The following RAB36 variants were observed in gnomAD, a reference collection of about 807,000 sequenced individuals.
RAB36 encodes ras-related protein Rab-36.
In RAB36, 33 loss-of-function variants were observed where a neutral mutation model predicts 39.3. That is an observed-to-expected ratio of 0.84 (90% CI 0.64 to 1.12). The LOEUF is 1.12. Ranked by LOEUF, RAB36 falls within the 50% of genes most tolerant of loss-of-function variation. The pLI is 0.00. For synonymous variants in RAB36, 133 were observed against 140.2 expected (o/e 0.95, Z 0.36); for missense variants, 308 against 355.3 (o/e 0.87, Z 1.07).
chr22:23,153,178 G>GCTCACAC (rs762660593), intron 5 of RAB36, 44 bp downstream of exon 5: 2 of 1,444,408 alleles, frequency 1.4e-6, no homozygotes, highest in South Asian at 1.1e-5. Flanking sequence ...GCTTCCTACA[G>GCTCACAC]GCACCTGAGA....
upstream of RAB36, chr22:23,145,366 A>G (rs774123828): frequency 9.3e-6 from 15 of 1,605,634 alleles, no homozygotes; most frequent in East Asian, 2.2e-5. Context: ...TCTCGTTGCT[A>G]TGGTGATCGC....
chr22:23,147,498 T>C (rs9612244), intron 2 of RAB36, among the ~76,000 whole-genome samples: 1 of 151,880 alleles, frequency 6.6e-6, no homozygotes, highest in Admixed American at 6.6e-5. Context: ...GCCTGGCTAA[T>C]TTTTAATTTT....
At position 23,164,122 on chromosome 22, in the gene RAB36, G is replaced by A. The variant is rs572924634; in HGVS notation, c.*2558G>A. The A allele has an allele frequency of 6.6e-6, 1 of 152,354 alleles. No homozygotes were observed. Among genetic ancestry groups the A allele is most frequent in the East Asian group, 1.9e-4 (1 of 5,180 alleles). 9.4% of individuals were successfully genotyped at this position (152,354 alleles called of 1,614,324 possible). On this transcript the variant is annotated 3_prime_UTR_variant, in exon 11 of 11. Coordinates refer to ENST00000263116, the MANE Select transcript of RAB36 (RefSeq NM_004914.5). ...GGCAGACAGCATTGGGGTCCATTAG[G>A]AAGACCAGGTTTGCTGGGCATAAGC...
At position 23,159,834 on chromosome 22, in the gene RAB36, T is replaced by G. The variant is rs896066330; in HGVS notation, c.619+581T>G. 3.3e-5 allele frequency among the ~76,000 whole-genome samples: 5 copies of G among 152,226 alleles called. No individual in the cohort carries two copies. The South Asian group carries it at 1.0e-3, about 32-fold the overall frequency. On this transcript the variant is annotated intron_variant, in intron 9 of 10. Coordinates refer to ENST00000263116, the MANE Select transcript of RAB36 (RefSeq NM_004914.5). ...CCACCGGGTCTACCCCTGGCCATAC[T>G]GGGTCCCCAGCCCAAGGCAAGATGC...
chr22:23,146,383 T>G (rs528828023), intron 1 of RAB36, among the ~76,000 whole-genome samples: 14 of 151,164 alleles, frequency 9.3e-5, no homozygotes, highest in South Asian at 4.2e-4. Flanking sequence ...ATTTTTTTGG[T>G]TTTTTTTTGT....
chr22:23,160,982 C>T lies in RAB36; in HGVS notation c.723C>T (p.Gly241=), dbSNP rs2071750052. ...AGAGCAGTGCCCGGCTCCAGGTCGG[C>T]AATGGAGACCTAATCCGTGAGTATA... The part of the protein sequence containing the change: ...ERQSSARLQV[G]NGDLIQMEGS... The change falls in exon 10 of 11, where the codon GGC becomes GGT. Residue 241 remains glycine (G), a synonymous_variant. Coordinates refer to ENST00000263116, the MANE Select transcript of RAB36 (RefSeq NM_004914.5). 1 of 1,611,784 alleles carries T rather than the reference C, an allele frequency of 6.2e-7. No individual in the cohort carries two copies. The highest frequency in any genetic ancestry group is 8.5e-7 in the Non-Finnish European group (1 of 1,178,514).
chr22:23,153,188 A>G lies in RAB36; in HGVS notation c.329+54A>G. Reference sequence around the variant, plus strand: ...GGGCAGCTTCCTACAGGCACCTGAGAAAGGATTTGGGGAGCTCCTTCACTG... The same window carrying G: ...GGGCAGCTTCCTACAGGCACCTGAGGAAGGATTTGGGGAGCTCCTTCACTG... On this transcript the variant is annotated intron_variant, in intron 5 of 10. Transcript: ENST00000263116. The G allele has an allele frequency of 2.9e-6, 4 of 1,369,970 alleles. No homozygotes were observed. In the South Asian group the frequency reaches 3.5e-5, roughly 12 times the overall value. 84.9% of individuals were successfully genotyped at this position (1,369,970 alleles called of 1,614,324 possible).
intron 3 of RAB36, among the ~76,000 whole-genome samples, chr22:23,152,107 A>G (rs2071177670): frequency 6.6e-6 from 1 of 152,204 alleles, no homozygotes; most frequent in Non-Finnish European, 1.5e-5. Flanking sequence ...CCCGGACAGC[A>G]CAGACGTGCC....
intron 2 of RAB36, among the ~76,000 whole-genome samples, chr22:23,149,599 A>C (rs576570050): frequency 1.2e-4 from 19 of 152,296 alleles, no homozygotes; most frequent in African/African-American, 4.6e-4. Context: ...GTGCAGTGGC[A>C]TGATCATAGC....
In RAB36 at chr22:23,161,519, C is replaced by G. The variant is rs114387774; in HGVS notation, c.759C>G (p.Pro253=). The part of the protein sequence containing the change: ...GDLIQMEGSP[P]ETQESKRPSS... ...TTACAGAAATGGAAGGGAGTCCGCCCGAGACCCAGGAGAGCAAGAGGCCCT... is the reference window on the plus strand; with the variant it reads ...TTACAGAAATGGAAGGGAGTCCGCCGGAGACCCAGGAGAGCAAGAGGCCCT... The change falls in exon 11 of 11, where the codon CCC becomes CCG. Residue 253 remains proline, a synonymous_variant. Coordinates refer to ENST00000263116, the MANE Select transcript of RAB36 (RefSeq NM_004914.5). 1 of 1,612,798 alleles carries G rather than the reference C, an allele frequency of 6.2e-7. No homozygotes were observed. The highest frequency in any genetic ancestry group is 8.5e-7 in the Non-Finnish European group (1 of 1,179,412).
chr22:23,164,045 C>A lies in RAB36; in HGVS notation c.*2481C>A, dbSNP rs1468747637. The A allele has an allele frequency of 6.6e-6, 1 of 152,278 alleles. No individual in the cohort carries two copies. The highest frequency in any genetic ancestry group is 2.4e-5 in the African/African-American group (1 of 41,468). The allele number at this position is 152,278 out of a possible 1,614,324, so 9.4% of individuals were successfully genotyped here. A position where few individuals can be genotyped will look rare whatever the true frequency, so the allele number is the denominator to read the frequency against. On this transcript the variant is annotated 3_prime_UTR_variant, in exon 11 of 11. Coordinates refer to ENST00000263116, the MANE Select transcript of RAB36 (RefSeq NM_004914.5). Reference sequence around the variant, plus strand: ...ATAGCTTTGCGTACTCAGGAAGGCCCTTCTCCCGACTGCGGCCCCCAGCCT... The same window carrying A: ...ATAGCTTTGCGTACTCAGGAAGGCCATTCTCCCGACTGCGGCCCCCAGCCT...
intron 2 of RAB36, among the ~76,000 whole-genome samples, chr22:23,148,573 G>T (rs1318914617): frequency 1.3e-5 from 2 of 152,154 alleles, no homozygotes; most frequent in Non-Finnish European, 2.9e-5. Context: ...CTCCCCTCCT[G>T]CCCATAATAG....
chr22:23,157,903 A>C (rs1349657116), intron 6 of RAB36, 89 bp from the exon 7 acceptor site: 18 of 1,593,092 alleles, frequency 1.1e-5, no homozygotes, highest in Non-Finnish European at 1.4e-5. Flanking sequence ...CTGCCCTGGC[A>C]GTTCCTTGGG....
chr22:23,155,479 T>C (rs1368484872), intron 5 of RAB36, among the ~76,000 whole-genome samples: 2 of 152,166 alleles, frequency 1.3e-5, no homozygotes, highest in East Asian at 3.9e-4. Context: ...GTGTTAGGTA[T>C]CTCCAACTCC....
intron 1 of RAB36, among the ~76,000 whole-genome samples, chr22:23,146,329 C>T (rs1291581012): frequency 6.6e-6 from 1 of 152,208 alleles, no homozygotes. Context: ...CCACCTTCCT[C>T]CCAAGTAGCT....
At position 23,164,371 on chromosome 22, in the gene RAB36, C is replaced by G. The variant is rs1422287932; in HGVS notation, c.*2807C>G. ...CCTCCTGCAATGTGCCAGCTGATTC[C>G]CACACACCCTGACTGACATAGTTGT... On this transcript the variant is annotated 3_prime_UTR_variant, in exon 11 of 11. Transcript: ENST00000263116. 1 of 152,278 alleles carries G rather than the reference C, an allele frequency of 6.6e-6. No individual in the cohort carries two copies. Among genetic ancestry groups the G allele is most frequent in the Non-Finnish European group, 1.5e-5 (1 of 68,066 alleles). The allele number at this position is 152,278 out of a possible 1,614,324, so 9.4% of individuals were successfully genotyped here.
downstream of RAB36, among the ~76,000 whole-genome samples, chr22:23,165,777 C>CT (rs2146625196): frequency 6.6e-6 from 1 of 152,276 alleles, no homozygotes; most frequent in East Asian, 1.9e-4. Flanking sequence ...TGGTGTGGCT[C>CT]TACCTGAATG....
In RAB36 at chr22:23,159,171, C is replaced by T. The variant is rs1302371200; in HGVS notation, c.537C>T (p.Ala179=). 5.0e-6 allele frequency: 8 copies of T among 1,611,248 alleles called. No individual in the cohort carries two copies. Among genetic ancestry groups the T allele is most frequent in the African/African-American group, 1.3e-5 (1 of 75,024 alleles). ...VGTKKDLLSG[A]ACEQAEADAV... ...AGGGCCATTTCTCCCAGTCAGGGGCCGCATGTGAGCAGGCCGAAGCAGACG... is the reference window on the plus strand; with the variant it reads ...AGGGCCATTTCTCCCAGTCAGGGGCTGCATGTGAGCAGGCCGAAGCAGACG... Residue 179 remains alanine (A), a synonymous_variant, in exon 9 of 11, where the codon GCC becomes GCT. Coordinates refer to ENST00000263116, the MANE Select transcript of RAB36 (RefSeq NM_004914.5).
intron 4 of RAB36, 127 bp downstream of exon 4, chr22:23,152,653 G>C: frequency 3.3e-6 from 3 of 904,860 alleles, no homozygotes; most frequent in African/African-American, 3.3e-5. Flanking sequence ...CTGTGCCTCA[G>C]CCTGCTGGGA....
Sources: gnomAD v4.1 joint callset for allele counts (sites outside exome capture counted in the v4.1 genomes callset) on GRCh38, gnomAD v4.1.1 for gene constraint, MANE v1.5 for transcripts, NCBI Gene and HGNC (gene_info 2026-07-23, HGNC 2026-07-21) for gene names.